SRD5A2: variants seen among roughly 807,000 people sequenced by gnomAD.
SRD5A2 encodes steroid 5 alpha-reductase 2.
Under a neutral mutation model 27.4 loss-of-function variants are expected in SRD5A2, and 30 were observed. The ratio of observed to expected loss-of-function variants is 1.10; its 90% CI spans 0.82 to 1.49. The LOEUF (loss-of-function observed/expected upper bound fraction) is 1.49, where lower values mean the gene tolerates loss of function less well. Among genes scored for constraint, SRD5A2 ranks in the 40% most tolerant of loss-of-function variants. The pLI is 0.00. For missense variants in SRD5A2, 348 were observed against 323.4 expected, an observed-to-expected ratio of 1.08 and a Z score of -0.58; for synonymous variants, 141 against 133.6, an observed-to-expected ratio of 1.06 and a Z score of -0.38.
At position 31,523,341 on chromosome 2, in the gene SRD5A2, C is replaced by T. The variant is rs758710129; in HGVS notation, c.*2855G>A. On this transcript the variant is annotated 3_prime_UTR_variant, in exon 5 of 5. Coordinates refer to ENST00000622030, the MANE Select transcript of SRD5A2 (RefSeq NM_000348.4). ...CAGCACTTAAGCTCTGGCTATTTTTCTCCTGCATGAGCTCTGTAGAAATCC... is the reference window on the plus strand; with the variant it reads ...CAGCACTTAAGCTCTGGCTATTTTTTTCCTGCATGAGCTCTGTAGAAATCC... The T allele has an allele frequency of 3.9e-4, 84 of 213,854 alleles. No homozygotes were observed. The highest frequency in any genetic ancestry group is 6.4e-4 in the Admixed American group (11 of 17,068). The allele number at this position is 213,854 out of a possible 1,614,324, so 13.2% of individuals were successfully genotyped here. A position where few individuals can be genotyped will look rare whatever the true frequency, so the allele number is the denominator to read the frequency against.
At chr2:31,609,703 T>A in the SRD5A2 span, among the ~76,000 whole-genome samples, 1 of 152,126 alleles carries the variant, frequency 6.6e-6, no homozygotes. Context: ...TGATTTTAAA[T>A]TAGGCAGTGG....
intron 1 of SRD5A2, among the ~76,000 whole-genome samples, chr2:31,572,693 A>C (rs1054945143): frequency 3.9e-5 from 6 of 152,246 alleles, no homozygotes; most frequent in African/African-American, 1.4e-4. Context: ...ACACAGAGTT[A>C]AGTTTTAAAA....
At chr2:31,579,216 A>T (rs999467804) in intron 1 of SRD5A2, among the ~76,000 whole-genome samples, 3 of 152,256 alleles carry the variant, frequency 2.0e-5, no homozygotes, top group Non-Finnish European at 4.4e-5. Context: ...GTGAGAATTC[A>T]GTTAAGATTG....
intron 1 of SRD5A2, among the ~76,000 whole-genome samples, chr2:31,574,111 GC>G (rs1666905462): frequency 6.6e-6 from 1 of 152,196 alleles, no homozygotes; most frequent in Non-Finnish European, 1.5e-5. Flanking sequence ...TGCTAACCAG[GC>G]TTCTTTCCCC....
rs1379459405 is a variant in SRD5A2, at chr2:31,524,430, T to G, written c.*1766A>C. 4.4e-6 allele frequency: 1 copy of G among 225,076 alleles called. No homozygotes were observed. Among genetic ancestry groups the G allele is most frequent in the Admixed American group, 5.7e-5 (1 of 17,472 alleles). 13.9% of individuals were successfully genotyped at this position (225,076 alleles called of 1,614,324 possible). ...TTCTTTATTTCCAGCACACAGCCCC[T>G]AATTTCATGAAGAGAGAAGAGAAGA... is the stretch of plus-strand genomic sequence containing the variant. On this transcript the variant is annotated 3_prime_UTR_variant, in exon 5 of 5. Coordinates refer to ENST00000622030, the MANE Select transcript of SRD5A2 (RefSeq NM_000348.4).
rs142228824 is a variant in SRD5A2, at chr2:31,560,619, G to A, written c.281+20001C>T. Among the ~76,000 whole-genome samples, 1,179 of 151,962 alleles carry A rather than the reference G, an allele frequency of 7.8e-3. 15 individuals carry two copies. The highest frequency in any genetic ancestry group is 0.025 in the African/African-American group (1,016 of 41,424). On this transcript the variant is annotated intron_variant, in intron 1 of 4. Transcript: ENST00000622030. ...CTTCTTTTTCCACCTTTTTTGCTGC[G>A]CTTCCTTTCTCCTTTCCCAGCTTTT...
At chr2:31,534,352 G>A (rs1411777220) in intron 1 of SRD5A2, among the ~76,000 whole-genome samples, 4 of 152,074 alleles carry the variant, frequency 2.6e-5, no homozygotes, top group Non-Finnish European at 5.9e-5. Flanking sequence ...TATAACATCA[G>A]ACAAGACCTA....
the SRD5A2 span, among the ~76,000 whole-genome samples, chr2:31,593,709 T>C: frequency 6.6e-6 from 1 of 152,094 alleles, no homozygotes; most frequent in Non-Finnish European, 1.5e-5. Context: ...ACCCAGGAAA[T>C]TCATCGCAAA....
chr2:31,641,488 A>C, the SRD5A2 span, among the ~76,000 whole-genome samples: 1 of 152,214 alleles, frequency 6.6e-6, no homozygotes, highest in African/African-American at 2.4e-5. Context: ...TAGTAAAGGA[A>C]GTTCTTCAGG....
At chr2:31,557,107 T>C (rs1666511549) in intron 1 of SRD5A2, among the ~76,000 whole-genome samples, 1 of 152,178 alleles carries the variant, frequency 6.6e-6, no homozygotes, top group South Asian at 2.1e-4. Context: ...GATTCCAGAG[T>C]ATCTGCTCTC....
the SRD5A2 span, among the ~76,000 whole-genome samples, chr2:31,596,889 G>T: frequency 6.6e-6 from 1 of 152,148 alleles, no homozygotes; most frequent in Non-Finnish European, 1.5e-5. Flanking sequence ...TGGATGGGTA[G>T]AATCAATATT....
At chr2:31,590,032 G>A in the SRD5A2 span, among the ~76,000 whole-genome samples, 2 of 152,060 alleles carry the variant, frequency 1.3e-5, no homozygotes, top group African/African-American at 4.8e-5. Context: ...ATGCAGTAGA[G>A]GCACCCATAA....
At chr2:31,655,440 T>C in the SRD5A2 span, among the ~76,000 whole-genome samples, 3 of 152,196 alleles carry the variant, frequency 2.0e-5, no homozygotes, top group Admixed American at 6.5e-5. Context: ...AGCTAAAGTA[T>C]CTCACTGACT....
intron 1 of SRD5A2, among the ~76,000 whole-genome samples, chr2:31,543,793 A>G (rs1296435929): frequency 6.6e-6 from 1 of 152,180 alleles, no homozygotes; most frequent in Non-Finnish European, 1.5e-5. Context: ...ATGGGGAGTT[A>G]TACGGTGTAG....
the SRD5A2 span, among the ~76,000 whole-genome samples, chr2:31,594,230 A>C: frequency 3.9e-5 from 6 of 152,204 alleles, no homozygotes; most frequent in Non-Finnish European, 8.8e-5. Flanking sequence ...AAGTGGTCTA[A>C]ATGTTCCACT....
chr2:31,647,704 C>A, the SRD5A2 span, among the ~76,000 whole-genome samples: 3 of 152,298 alleles, frequency 2.0e-5, no homozygotes, highest in African/African-American at 7.2e-5. Flanking sequence ...ATGTGTCCTT[C>A]CAGAAGTGCT....
chr2:31,551,715 T>C (rs1439651191), intron 1 of SRD5A2, among the ~76,000 whole-genome samples: 1 of 152,066 alleles, frequency 6.6e-6, no homozygotes, highest in Non-Finnish European at 1.5e-5. Context: ...GGACCATCTG[T>C]ATACAGAAAG....
At chr2:31,535,621 TC>T (rs1357165550) in intron 1 of SRD5A2, among the ~76,000 whole-genome samples, 1 of 152,128 alleles carries the variant, frequency 6.6e-6, no homozygotes, top group African/African-American at 2.4e-5. Context: ...TGTCTCCCTC[TC>T]CCCTTCACAC....
At chr2:31,577,864 A>G (rs1180462023) in intron 1 of SRD5A2, among the ~76,000 whole-genome samples, 2 of 152,212 alleles carry the variant, frequency 1.3e-5, no homozygotes, top group African/African-American at 4.8e-5. Flanking sequence ...AAGAAAATAG[A>G]TCTAACCTTT....
Sources: gnomAD v4.1 joint callset for allele counts (sites outside exome capture counted in the v4.1 genomes callset) on GRCh38, gnomAD v4.1.1 for gene constraint, MANE v1.5 for transcripts, NCBI Gene and HGNC (gene_info 2026-07-23, HGNC 2026-07-21) for gene names.